The following AUTS2 variants were observed in gnomAD, a reference collection of about 807,000 sequenced individuals.
AUTS2 encodes the protein activator of transcription and developmental regulator AUTS2.
A neutral mutation model predicts 112.4 loss-of-function variants in AUTS2; 17 were observed. The observed-to-expected ratio is 0.15, with a 90% CI of 0.10 to 0.23. AUTS2 has a LOEUF of 0.23. Among genes scored for constraint, AUTS2 ranks in the 10% least tolerant of loss-of-function variants. The probability of loss-of-function intolerance (pLI) is 1.00; values close to 1 mark genes in which losing one functional copy is unlikely to be tolerated. For missense variants in AUTS2, 1,510 were observed against 1,701.6 expected, an observed-to-expected ratio of 0.89 and a Z score of 1.98; for synonymous variants, 751 against 702.7, an observed-to-expected ratio of 1.07 and a Z score of -1.09.
chr7:70,533,530 C>T (rs1458950115), intron 5 of AUTS2, among the ~76,000 whole-genome samples: 2 of 152,170 alleles, frequency 1.3e-5, no homozygotes, highest in African/African-American at 4.8e-5. Context: ...CCAGACTGCC[C>T]TTAGAATGTT....
intron 6 of AUTS2, among the ~76,000 whole-genome samples, chr7:70,745,148 G>C (rs917242332): frequency 6.6e-6 from 1 of 151,892 alleles, no homozygotes; most frequent in Non-Finnish European, 1.5e-5. Flanking sequence ...TATGTATCCC[G>C]ATTGTATTTC....
At chr7:70,030,434 T>C (rs912722822) in intron 2 of AUTS2, among the ~76,000 whole-genome samples, 4 of 152,180 alleles carry the variant, frequency 2.6e-5, no homozygotes, top group Non-Finnish European at 5.9e-5. Flanking sequence ...GTAATGACCT[T>C]GGAGGGGCAG....
intron 2 of AUTS2, 124 bp from the exon 3 acceptor site, chr7:70,118,008 A>G: frequency 8.2e-7 from 1 of 1,222,844 alleles, no homozygotes; most frequent in Non-Finnish European, 1.1e-6. Context: ...TCTGCCTCCG[A>G]AAGTGCTGGG....
At chr7:70,302,909 T>C (rs969772112) in intron 4 of AUTS2, among the ~76,000 whole-genome samples, 4 of 150,328 alleles carry the variant, frequency 2.7e-5, no homozygotes, top group African/African-American at 7.3e-5. Context: ...AGATCTTCTT[T>C]TTTTTTTTTT....
At chr7:69,835,378 AGATCTTAGAACTCT>A (rs1791676891) in intron 1 of AUTS2, among the ~76,000 whole-genome samples, 1 of 152,208 alleles carries the variant, frequency 6.6e-6, no homozygotes, top group Admixed American at 6.5e-5. Context: ...TATCATAAAT[AGATCTTAGAACTCT>A]GATCTTCTGA....
chr7:69,816,587 T>C (rs1790772026), intron 1 of AUTS2, among the ~76,000 whole-genome samples: 1 of 152,204 alleles, frequency 6.6e-6, no homozygotes, highest in Non-Finnish European at 1.5e-5. Flanking sequence ...ACTAATATCT[T>C]GGATCCTTAC....
At chr7:69,800,684 G>A (rs1584264665) in intron 1 of AUTS2, among the ~76,000 whole-genome samples, 2 of 152,188 alleles carry the variant, frequency 1.3e-5, no homozygotes, top group Admixed American at 1.3e-4. Context: ...TCCCTTGATA[G>A]CAGCTAGCCT....
intron 5 of AUTS2, among the ~76,000 whole-genome samples, chr7:70,599,639 C>T (rs182774755): frequency 2.0e-5 from 3 of 152,204 alleles, no homozygotes; most frequent in East Asian, 3.9e-4. Context: ...TAGCCAGTGG[C>T]GTATTTATTA....
intron 3 of AUTS2, among the ~76,000 whole-genome samples, chr7:70,130,326 A>G (rs560179547): frequency 6.6e-6 from 1 of 152,310 alleles, no homozygotes; most frequent in South Asian, 2.1e-4. Context: ...TTTTAGATGG[A>G]TAATCAATTT....
intron 4 of AUTS2, among the ~76,000 whole-genome samples, chr7:70,314,099 C>G (rs1474458509): frequency 6.6e-6 from 1 of 152,226 alleles, no homozygotes; most frequent in Non-Finnish European, 1.5e-5. Flanking sequence ...GCAGAGCACT[C>G]TCATTAGGAT....
chr7:70,070,408 TAA>T (rs58320845), intron 2 of AUTS2, among the ~76,000 whole-genome samples: 117 of 128,340 alleles, frequency 9.1e-4, no homozygotes, highest in Admixed American at 1.0e-3. Flanking sequence ...CCCCGTCTCT[TAA>T]AAAAAAAAAA....
At chr7:69,611,773 A>G (rs1164798819) in intron 1 of AUTS2, among the ~76,000 whole-genome samples, 1 of 151,064 alleles carries the variant, frequency 6.6e-6, no homozygotes, top group Non-Finnish European at 1.5e-5. Flanking sequence ...TACTAAAAAT[A>G]CAAAAAATTA....
chr7:69,900,377 G>A (rs1423856366), intron 2 of AUTS2, among the ~76,000 whole-genome samples: 1 of 152,224 alleles, frequency 6.6e-6, no homozygotes, highest in Admixed American at 6.5e-5. Context: ...CTGCTAATTA[G>A]AGGTGGAATA....
chr7:70,342,548 T>C (rs781288400), intron 4 of AUTS2, among the ~76,000 whole-genome samples: 3 of 152,152 alleles, frequency 2.0e-5, no homozygotes, highest in Non-Finnish European at 4.4e-5. Context: ...CAGGAGGCAC[T>C]AGCGACATGT....
At chr7:69,949,444 T>A (rs1337415836) in intron 2 of AUTS2, among the ~76,000 whole-genome samples, 2 of 152,180 alleles carry the variant, frequency 1.3e-5, no homozygotes, top group East Asian at 3.9e-4. Context: ...TGGCTGAGAC[T>A]TAGAAAAAGC....
chr7:69,609,715 C>T (rs1468383925), intron 1 of AUTS2, among the ~76,000 whole-genome samples: 2 of 152,250 alleles, frequency 1.3e-5, no homozygotes, highest in East Asian at 1.9e-4. Flanking sequence ...GAAGGCTCAA[C>T]GAAAATTTTC....
At chr7:70,070,327 C>G (rs1277692587) in intron 2 of AUTS2, among the ~76,000 whole-genome samples, 2 of 151,266 alleles carry the variant, frequency 1.3e-5, no homozygotes, top group South Asian at 2.1e-4. Context: ...AGTCCCAGCA[C>G]TTTGGGAGGC....
At chr7:70,688,861 A>G (rs1398133768) in intron 5 of AUTS2, among the ~76,000 whole-genome samples, 1 of 152,184 alleles carries the variant, frequency 6.6e-6, no homozygotes, top group Non-Finnish European at 1.5e-5. Context: ...GTAAGACATC[A>G]TTTTTATAGT....
intron 5 of AUTS2, among the ~76,000 whole-genome samples, chr7:70,563,622 T>G (rs1398926390): frequency 6.6e-6 from 1 of 152,136 alleles, no homozygotes; most frequent in African/African-American, 2.4e-5. Flanking sequence ...TTCCCGGAGA[T>G]GGCGGAGAGG....
Sources: gnomAD v4.1 joint callset for allele counts (sites outside exome capture counted in the v4.1 genomes callset) on GRCh38, gnomAD v4.1.1 for gene constraint, MANE v1.5 for transcripts, NCBI Gene and HGNC (gene_info 2026-07-23, HGNC 2026-07-21) for gene names.